Variants in CNGB1 observed in about 807,000 individuals in gnomAD.
The protein encoded by CNGB1 is cyclic nucleotide gated channel subunit beta 1.
A neutral mutation model predicts 151.7 loss-of-function variants in CNGB1; 126 were observed. The observed-to-expected ratio is 0.83, with a 90% CI of 0.72 to 0.96. CNGB1 has a LOEUF of 0.96. Among genes scored for constraint, CNGB1 ranks in the 40% least tolerant of loss-of-function variants. CNGB1 has a pLI of 0.00. For synonymous variants in CNGB1, 623 were observed against 635.1 expected, an observed-to-expected ratio of 0.98 and a Z score of 0.29; for missense variants, 1,698 against 1,627.0, an observed-to-expected ratio of 1.04 and a Z score of -0.75.
At chr16:57,951,748 T>A (rs1470660878) in intron 12 of CNGB1, among the ~76,000 whole-genome samples, 1 of 152,206 alleles carries the variant, frequency 6.6e-6, no homozygotes, top group Admixed American at 6.5e-5. Context: ...ATTTTCCCTC[T>A]TTTATGTTTT....
At position 57,897,410 on chromosome 16, in the gene CNGB1, G is replaced by A. The variant is rs201023939; in HGVS notation, c.3229C>T (p.Arg1077Trp). The change falls in exon 31 of 33, where the codon CGG (arginine) becomes TGG (tryptophan). Residue 1077 changes from arginine (R) to tryptophan (W), a missense_variant. Arg to Trp is a moderately radical substitution (Grantham distance 101). Coordinates refer to ENST00000251102, the MANE Select transcript of CNGB1 (RefSeq NM_001297.5). ...VHYPESQKLL[R>W]KKARRMLRSN... ...AAAGTTACATACCTGGCTTTCTTCC[G>A]GAGTAACTTCTGAGACTCAGGATAA... 82 of 1,613,998 alleles carry A rather than the reference G, an allele frequency of 5.1e-5. No homozygotes were observed. The East Asian group carries it at 1.0e-3, about 20-fold the overall frequency.
chr16:57,888,102 C>A (rs1404039660), intron 31 of CNGB1, 28 bp from the exon 32 acceptor site: 1 of 1,602,798 alleles, frequency 6.2e-7, no homozygotes, highest in Non-Finnish European at 8.5e-7. Context: ...CCATTGACAT[C>A]ACAGACGCAC....
At chr16:57,914,687 G>A (rs1009407745) in intron 23 of CNGB1, among the ~76,000 whole-genome samples, 3 of 152,124 alleles carry the variant, frequency 2.0e-5, no homozygotes, top group Admixed American at 1.3e-4. Flanking sequence ...GGAGACTTTC[G>A]CTCTGCCCAG....
At chr16:57,936,148 A>G (rs552815122) in intron 16 of CNGB1, among the ~76,000 whole-genome samples, 1 of 152,324 alleles carries the variant, frequency 6.6e-6, no homozygotes, top group South Asian at 2.1e-4. Context: ...AGTGAGCAGT[A>G]GCAGCCCAAA....
chr16:57,960,666 C>G, intron 8 of CNGB1, 136 bp from the exon 9 acceptor site: 2 of 1,312,824 alleles, frequency 1.5e-6, no homozygotes, highest in Non-Finnish European at 2.1e-6. Flanking sequence ...CCTTCTGAAT[C>G]CCGGCCCCCT....
intron 23 of CNGB1, among the ~76,000 whole-genome samples, chr16:57,914,317 TG>T (rs1422112462): frequency 6.6e-6 from 1 of 152,186 alleles, no homozygotes; most frequent in African/African-American, 2.4e-5. Context: ...GAGGCTGGTA[TG>T]TGTCAAATAA....
rs934331033 is a variant in CNGB1, at chr16:57,957,343, G to A, written c.872C>T (p.Thr291Ile). 1 of 1,613,922 alleles carries A rather than the reference G, an allele frequency of 6.2e-7. No homozygotes were observed. Among genetic ancestry groups the A allele is most frequent in the Non-Finnish European group, 8.5e-7 (1 of 1,179,774 alleles). The stretch of plus-strand genomic sequence containing the variant: ...GGACTCAGTAATGTGTCACTTACTG[G>A]TCTGCACATCACATATCCCAGGGGA... ...PDSPGICDVQ[T>I]ISILPGGQVE... Residue 291 changes from threonine (T) to isoleucine (I), a missense_variant and splice_region_variant, in exon 12 of 33, where the codon ACC becomes ATC. Transcript: ENST00000251102.
intron 31 of CNGB1, among the ~76,000 whole-genome samples, chr16:57,889,790 C>T (rs780395729): frequency 1.4e-4 from 21 of 152,182 alleles, no homozygotes; most frequent in Non-Finnish European, 2.5e-4. Context: ...TTCAAACCCA[C>T]ACTTCTGACC....
At chr16:57,948,404 C>T (rs1961861826) in intron 14 of CNGB1, among the ~76,000 whole-genome samples, 2 of 151,804 alleles carry the variant, frequency 1.3e-5, no homozygotes, top group African/African-American at 4.8e-5. Context: ...ATCCACCCAC[C>T]TCGGCCTCCC....
chr16:57,934,749 G>C (rs1317925481), intron 16 of CNGB1, among the ~76,000 whole-genome samples: 1 of 152,166 alleles, frequency 6.6e-6, no homozygotes. Context: ...CTGAAGTTAG[G>C]AGTTTGAGGC....
At position 57,967,212 on chromosome 16, in the gene CNGB1, C is replaced by G; in HGVS notation, c.75G>C (p.Glu25Asp). The change falls in exon 2 of 33, where the codon GAG becomes GAC. Residue 25 changes from glutamate (E) to aspartate (D), a missense_variant. Coordinates refer to ENST00000251102, the MANE Select transcript of CNGB1 (RefSeq NM_001297.5). ...CCATCTCTGGCTCTGGTTCCACTTC[C>G]TCTTCCTCCTGCATCTTGGTCTTCC... The part of the protein sequence containing the change: ...TPRKTKMQEE[E>D]EVEPEPEMEA... 6.2e-7 allele frequency: 1 copy of G among 1,614,178 alleles called. No homozygotes were observed. The highest frequency in any genetic ancestry group is 1.1e-5 in the South Asian group (1 of 91,082).
intron 29 of CNGB1, 71 bp from the exon 30 acceptor site, chr16:57,897,985 C>T: frequency 1.3e-6 from 2 of 1,534,274 alleles, no homozygotes; most frequent in Non-Finnish European, 1.8e-6. Context: ...AGGGCTGGAT[C>T]CAGAGGCTGG....
intron 17 of CNGB1, 78 bp from the exon 18 acceptor site, chr16:57,923,458 A>G (rs1056017337): frequency 1.7e-6 from 2 of 1,204,932 alleles, no homozygotes; most frequent in East Asian, 2.4e-5. Context: ...TTTGATCCCT[A>G]AAGATCATCT....
chr16:57,919,178 A>G lies in CNGB1; in HGVS notation c.1878T>C (p.Tyr626=), dbSNP rs1489835938. The G allele has an allele frequency of 6.2e-7, 1 of 1,614,086 alleles. No individual in the cohort carries two copies. Among genetic ancestry groups the G allele is most frequent in the African/African-American group, 1.3e-5 (1 of 74,920 alleles). ...TGAACTTGCAGCAGAGCATGTCGCA[A>G]TAGTGCTCCTCTTCCACTGGCTCGG... The part of the protein sequence containing the change: ...AEAEPVEEEH[Y]CDMLCCKFKH... Residue 626 remains tyrosine (Y), a synonymous_variant, in exon 20 of 33, where the codon TAT becomes TAC. Coordinates refer to ENST00000251102, the MANE Select transcript of CNGB1 (RefSeq NM_001297.5).
rs768384789 is a variant in CNGB1, at chr16:57,903,973, A to G, written c.2643T>C (p.Asp881=). 37 of 1,613,536 alleles carry G rather than the reference A, an allele frequency of 2.3e-5. No homozygotes were observed. The South Asian group carries it at 3.4e-4, about 15-fold the overall frequency. Residue 881 remains aspartate, a synonymous_variant, in exon 27 of 33, where the codon GAT becomes GAC. Transcript: ENST00000251102. ...GTCCGGCGGTGGCGGCCCCTACCAC[A>G]TCTCTCATCTGGGGGAAGGGTTATG... ...AFSVMIGQMR[D]VVGAATAGQT...
intron 4 of CNGB1, 87 bp from the exon 5 acceptor site, chr16:57,963,151 T>C: frequency 1.0e-6 from 1 of 962,018 alleles, no homozygotes; most frequent in Non-Finnish European, 1.7e-6. Context: ...TGAGTCTCTG[T>C]CCCTGAGTGT....
chr16:57,969,383 G>A (rs1364062228), intron 1 of CNGB1, among the ~76,000 whole-genome samples: 4 of 152,018 alleles, frequency 2.6e-5, no homozygotes, highest in African/African-American at 9.7e-5. Flanking sequence ...TCAGGAGGCT[G>A]AGGCAGGCAG....
intron 3 of CNGB1, 59 bp downstream of exon 3, chr16:57,964,428 C>A: frequency 6.3e-7 from 1 of 1,597,984 alleles, no homozygotes; most frequent in South Asian, 1.1e-5. Flanking sequence ...TCTGCGGCTC[C>A]GAGGGGAGAA....
intron 19 of CNGB1, 24 bp downstream of exon 19, chr16:57,920,363 G>C (rs975691326): frequency 7.4e-6 from 12 of 1,613,462 alleles, no homozygotes; most frequent in Non-Finnish European, 1.0e-5. Context: ...CATCCAGGTA[G>C]ACCCCCTCCA....
Sources: allele counts gnomAD v4.1 joint callset (sites outside exome capture counted in the v4.1 genomes callset), GRCh38; gene constraint gnomAD v4.1.1; transcripts MANE v1.5; gene names NCBI Gene and HGNC (gene_info 2026-07-23, HGNC 2026-07-21).